Variants in CNTNAP5 observed in about 807,000 individuals in gnomAD.
CNTNAP5 encodes contactin associated protein family member 5, also known as contactin-associated protein-like 5.
A neutral mutation model predicts 150.2 loss-of-function variants in CNTNAP5; 72 were observed. The observed-to-expected ratio is 0.48, with a 90% CI of 0.40 to 0.58. CNTNAP5 has a LOEUF of 0.58. Among genes scored for constraint, CNTNAP5 ranks in the 20% least tolerant of loss-of-function variants. The pLI is 0.00. For synonymous variants in CNTNAP5, 672 were observed against 619.8 expected (o/e 1.08, Z -1.25); for missense variants, 1,636 against 1,626.2 (o/e 1.01, Z -0.10).
chr2:124,302,016 G>A (rs943782037), intron 3 of CNTNAP5, among the ~76,000 whole-genome samples: 1 of 152,266 alleles, frequency 6.6e-6, no homozygotes, highest in Non-Finnish European at 1.5e-5. Flanking sequence ...TTTGTAAGAA[G>A]AGGAAAAGAC....
chr2:124,045,308 T>TA (rs1426751913), intron 1 of CNTNAP5, among the ~76,000 whole-genome samples: 3 of 150,926 alleles, frequency 2.0e-5, no homozygotes, highest in African/African-American at 7.3e-5. Context: ...TTTTTTTTTT[T>TA]TAAATTTTGA....
At chr2:124,068,028 G>A (rs1416054083) in intron 1 of CNTNAP5, among the ~76,000 whole-genome samples, 1 of 152,098 alleles carries the variant, frequency 6.6e-6, no homozygotes, top group Non-Finnish European at 1.5e-5. Flanking sequence ...GAGCAAGGAG[G>A]CAGAATAGAA....
intron 1 of CNTNAP5, among the ~76,000 whole-genome samples, chr2:124,143,975 A>C (rs937886958): frequency 1.3e-5 from 2 of 151,508 alleles, no homozygotes; most frequent in Non-Finnish European, 2.9e-5. Flanking sequence ...TACAAAAATC[A>C]CAAACATTCT....
chr2:124,920,452 G>T lies in CNTNAP5; in HGVS notation c.*6164G>T, dbSNP rs1678850872. Among the ~76,000 whole-genome samples, 1 of 152,236 alleles carries T rather than the reference G, an allele frequency of 6.6e-6. No homozygotes were observed. Among genetic ancestry groups the T allele is most frequent in the South Asian group, 2.1e-4 (1 of 4,816 alleles). On this transcript the variant is annotated 3_prime_UTR_variant, in exon 24 of 24. Transcript: ENST00000682447. ...CCTAGTCTATTCTCTTTGAAAGGTA[G>T]TATCAACCTGTGTAACCTTGTCCTG...
intron 4 of CNTNAP5, among the ~76,000 whole-genome samples, chr2:124,419,701 A>T (rs1692033096): frequency 6.6e-6 from 1 of 152,190 alleles, no homozygotes; most frequent in African/African-American, 2.4e-5. Flanking sequence ...GAATGTCTTT[A>T]TGATGTGCCT....
chr2:124,461,932 A>G (rs1166931449), intron 6 of CNTNAP5, among the ~76,000 whole-genome samples: 1 of 151,738 alleles, frequency 6.6e-6, no homozygotes, highest in Non-Finnish European at 1.5e-5. Context: ...GAAGATTAAA[A>G]TATTTGTCTC....
chr2:124,822,392 A>G (rs1028377323), intron 19 of CNTNAP5, among the ~76,000 whole-genome samples: 7 of 152,124 alleles, frequency 4.6e-5, no homozygotes, highest in Admixed American at 1.3e-4. Flanking sequence ...TTTATGGACA[A>G]TTTTAACCAG....
At chr2:124,406,730 A>G (rs1384486726) in intron 3 of CNTNAP5, among the ~76,000 whole-genome samples, 1 of 152,202 alleles carries the variant, frequency 6.6e-6, no homozygotes, top group Non-Finnish European at 1.5e-5. Flanking sequence ...TAGCTATTTT[A>G]AAATATATAA....
chr2:124,750,509 A>G (rs1240142358), intron 14 of CNTNAP5, among the ~76,000 whole-genome samples: 1 of 152,202 alleles, frequency 6.6e-6, no homozygotes, highest in African/African-American at 2.4e-5. Flanking sequence ...GTATTACTTT[A>G]TCAGATATTT....
At chr2:124,196,605 C>T (rs557692471) in intron 1 of CNTNAP5, among the ~76,000 whole-genome samples, 15 of 152,264 alleles carry the variant, frequency 9.9e-5, no homozygotes, top group Admixed American at 9.8e-4. Context: ...GGAATGCTAC[C>T]ATGTGTTGTC....
intron 8 of CNTNAP5, among the ~76,000 whole-genome samples, chr2:124,520,709 C>T (rs1694830113): frequency 1.3e-5 from 2 of 152,252 alleles, no homozygotes; most frequent in Non-Finnish European, 2.9e-5. Context: ...TCCTGCTCGT[C>T]TCTCCTAAGA....
In CNTNAP5 at chr2:124,419,140, C is replaced by CAAAAAAAAAAA. The variant is rs778863758; in HGVS notation, c.529+1563_529+1573dup. Among the ~76,000 whole-genome samples the CAAAAAAAAAAA allele has an allele frequency of 1.1e-3, 31 of 28,898 alleles. 1 individual carries two copies. The highest frequency in any genetic ancestry group is 2.5e-3 in the African/African-American group (24 of 9,426). 19.0% of individuals were successfully genotyped at this position (28,898 alleles called of 152,430 possible). ...TGGGCGACAGAGCGAGACTCCTTCT[C>CAAAAAAAAAAA]AAAAAAAAAAAAAAAAAAAAAAACA... On this transcript the variant is annotated intron_variant, in intron 4 of 23. Transcript: ENST00000682447.
intron 13 of CNTNAP5, among the ~76,000 whole-genome samples, chr2:124,741,856 A>T (rs1331148590): frequency 6.6e-6 from 1 of 152,010 alleles, no homozygotes; most frequent in Non-Finnish European, 1.5e-5. Context: ...TCTCACACAT[A>T]CATTCCCTCC....
intron 19 of CNTNAP5, among the ~76,000 whole-genome samples, chr2:124,835,673 A>T (rs546377711): frequency 1.3e-5 from 2 of 152,156 alleles, no homozygotes; most frequent in Non-Finnish European, 2.9e-5. Flanking sequence ...TGTTTGTAGG[A>T]TATCTGTTAT....
At chr2:124,864,442 A>G (rs932702246) in intron 19 of CNTNAP5, among the ~76,000 whole-genome samples, 5 of 151,936 alleles carry the variant, frequency 3.3e-5, no homozygotes, top group Non-Finnish European at 5.9e-5. Flanking sequence ...GCTATAGAAC[A>G]CTAGAACTTA....
At chr2:124,854,701 TC>T (rs1403294446) in intron 19 of CNTNAP5, among the ~76,000 whole-genome samples, 1 of 152,256 alleles carries the variant, frequency 6.6e-6, no homozygotes, top group Non-Finnish European at 1.5e-5. Context: ...AGATAGCATG[TC>T]CCATGTTATT....
chr2:124,218,513 G>A (rs1686219713), intron 1 of CNTNAP5, among the ~76,000 whole-genome samples: 1 of 152,108 alleles, frequency 6.6e-6, no homozygotes, highest in African/African-American at 2.4e-5. Context: ...AAAAGCCACT[G>A]TTCAAATGCA....
intron 1 of CNTNAP5, among the ~76,000 whole-genome samples, chr2:124,211,905 G>T (rs1686022881): frequency 6.6e-6 from 1 of 152,182 alleles, no homozygotes; most frequent in Non-Finnish European, 1.5e-5. Flanking sequence ...GGTTTCCTGA[G>T]AAACGAGGAT....
chr2:124,349,885 T>TTTTTTG, intron 3 of CNTNAP5, among the ~76,000 whole-genome samples: 1 of 62,404 alleles, frequency 1.6e-5, no homozygotes, highest in Non-Finnish European at 3.4e-5. Flanking sequence ...TTTTTTTTTT[T>TTTTTTG]TTTTTTTTTT....
Sources: allele counts gnomAD v4.1 joint callset (sites outside exome capture counted in the v4.1 genomes callset), GRCh38; gene constraint gnomAD v4.1.1; transcripts MANE v1.5; gene names NCBI Gene and HGNC (gene_info 2026-07-23, HGNC 2026-07-21).